YEATS2: variants seen among roughly 807,000 people sequenced by gnomAD.
YEATS2 encodes YEATS domain containing 2.
A neutral mutation model predicts 163.2 loss-of-function variants in YEATS2; 77 were observed. That is an observed-to-expected ratio of 0.47 (90% confidence interval 0.39 to 0.57). The LOEUF (loss-of-function observed/expected upper bound fraction) is 0.57. Among genes scored for constraint, YEATS2 ranks in the 20% least tolerant of loss-of-function variants. YEATS2 has a pLI of 0.00. For synonymous variants in YEATS2, 631 were observed against 645.1 expected, an observed-to-expected ratio of 0.98 and a Z score of 0.33; for missense variants, 1,549 against 1,729.8, an observed-to-expected ratio of 0.90 and a Z score of 1.85.
intron 9 of YEATS2, among the ~76,000 whole-genome samples, chr3:183,748,554 A>C (rs1309091219): frequency 6.6e-6 from 1 of 152,034 alleles, no homozygotes; most frequent in Non-Finnish European, 1.5e-5. Context: ...TACAGGCGTG[A>C]GCCACCACAC....
chr3:183,708,887 C>T (rs776209035), intron 1 of YEATS2, among the ~76,000 whole-genome samples: 7 of 151,662 alleles, frequency 4.6e-5, no homozygotes, highest in African/African-American at 1.7e-4. Flanking sequence ...TTTGGCCAGG[C>T]GCGGTGGCTC....
At chr3:183,704,882 G>A (rs944645185) in intron 1 of YEATS2, among the ~76,000 whole-genome samples, 6 of 152,112 alleles carry the variant, frequency 3.9e-5, no homozygotes, top group African/African-American at 1.4e-4. Context: ...ACCCACCTTG[G>A]ACTCCCAAAA....
intron 1 of YEATS2, among the ~76,000 whole-genome samples, chr3:183,698,546 AG>A (rs1301267339): frequency 6.6e-5 from 10 of 152,324 alleles, no homozygotes; most frequent in Admixed American, 2.6e-4. Flanking sequence ...GCTGGCTTGA[AG>A]GGCTGTGGCC....
chr3:183,698,747 T>A (rs1713757269), intron 1 of YEATS2, among the ~76,000 whole-genome samples: 1 of 152,156 alleles, frequency 6.6e-6, no homozygotes, highest in Non-Finnish European at 1.5e-5. Flanking sequence ...TTCCATTCCC[T>A]TTTCTCGCTC....
chr3:183,783,931 TTTTTG>T (rs778604648), intron 19 of YEATS2, among the ~76,000 whole-genome samples: 46 of 152,124 alleles, frequency 3.0e-4, no homozygotes, highest in Non-Finnish European at 5.6e-4. Flanking sequence ...CGTTTTAAGT[TTTTTG>T]TTTTGTTTTT....
At chr3:183,798,160 G>T (rs752762480) in intron 22 of YEATS2, 109 bp downstream of exon 22, 13 of 1,484,834 alleles carry the variant, frequency 8.8e-6, no homozygotes, top group Non-Finnish European at 1.2e-5. Context: ...CAGCTGTCAC[G>T]GTATTCCCAG....
At chr3:183,808,568 G>T (rs1370531711) in intron 29 of YEATS2, among the ~76,000 whole-genome samples, 6 of 152,170 alleles carry the variant, frequency 3.9e-5, no homozygotes, top group African/African-American at 1.4e-4. Flanking sequence ...TAAATACAAT[G>T]TCTAGGGCTG....
At position 183,810,638 on chromosome 3, in the gene YEATS2, T is replaced by C. The variant is rs1726717358; in HGVS notation, c.*55T>C. 2 of 1,524,472 alleles carry C rather than the reference T, an allele frequency of 1.3e-6. No homozygotes were observed. Among genetic ancestry groups the C allele is most frequent in the African/African-American group, 2.8e-5 (2 of 72,498 alleles). 94.4% of individuals were successfully genotyped at this position (1,524,472 alleles called of 1,614,324 possible). On this transcript the variant is annotated 3_prime_UTR_variant, in exon 31 of 31. Transcript: ENST00000305135. ...TTTGAAGGCACAGCGAAGCTGTAACTGAGGACCCTGCTGCTCGGGAAGGAG... is the reference window on the plus strand; with the variant it reads ...TTTGAAGGCACAGCGAAGCTGTAACCGAGGACCCTGCTGCTCGGGAAGGAG...
Position 183,812,152 on chromosome 3 carries a change from CTTG to C in YEATS2, c.*1570_*1572del, listed in dbSNP as rs1281545942. 1 of 152,356 alleles carries C rather than the reference CTTG, an allele frequency of 6.6e-6. No homozygotes were observed. Among genetic ancestry groups the C allele is most frequent in the Non-Finnish European group, 1.5e-5 (1 of 68,174 alleles). 9.4% of individuals were successfully genotyped at this position (152,356 alleles called of 1,614,324 possible). On this transcript the variant is annotated 3_prime_UTR_variant, in exon 31 of 31. Transcript: ENST00000305135. ...CGGGAGGCTGAGGCAGGAAGAATCA[CTTG>C]AACCCAGGAGGCGGAGGTTGCAGTG...
At chr3:183,766,812 C>T (rs1156496306) in intron 15 of YEATS2, among the ~76,000 whole-genome samples, 12 of 152,104 alleles carry the variant, frequency 7.9e-5, no homozygotes, top group Non-Finnish European at 1.8e-4. Context: ...GTGATACCAC[C>T]ACACCCAATT....
Position 183,772,511 on chromosome 3 carries a change from C to CGTT in YEATS2, c.2154_2155insGTT (p.Thr718_Lys719insVal). 6.2e-7 allele frequency: 1 copy of CGTT among 1,614,146 alleles called. No homozygotes were observed. Among genetic ancestry groups the CGTT allele is most frequent in the Non-Finnish European group, 8.5e-7 (1 of 1,180,024 alleles). On this transcript the variant is annotated inframe_insertion, in exon 16 of 31. Coordinates refer to ENST00000305135, the MANE Select transcript of YEATS2 (RefSeq NM_018023.5). ...TTGCTCAGCCAGTGCAGACCTTAAC[C>CGTT]AAGGCCCAGGTTACTGCCGCTGGTC...
Position 183,810,625 on chromosome 3 carries a change from G to GC in YEATS2, c.*43dup, listed in dbSNP as rs773958819. 6.3e-7 allele frequency: 1 copy of GC among 1,579,578 alleles called. No individual in the cohort carries two copies. ...TGGAGAAGCAGGCTTTGAAGGCACA[G>GC]CGAAGCTGTAACTGAGGACCCTGCT... is the stretch of plus-strand genomic sequence containing the variant. On this transcript the variant is annotated 3_prime_UTR_variant, in exon 31 of 31. Coordinates refer to ENST00000305135, the MANE Select transcript of YEATS2 (RefSeq NM_018023.5).
intron 13 of YEATS2, among the ~76,000 whole-genome samples, chr3:183,759,684 C>T (rs1418442189): frequency 3.3e-5 from 5 of 152,208 alleles, no homozygotes; most frequent in Non-Finnish European, 7.3e-5. Flanking sequence ...TCCAACTTAA[C>T]GATTTTTCGA....
At chr3:183,770,739 T>G (rs1271671841) in intron 15 of YEATS2, among the ~76,000 whole-genome samples, 2 of 152,226 alleles carry the variant, frequency 1.3e-5, no homozygotes, top group Non-Finnish European at 2.9e-5. Flanking sequence ...TTTTGAAGGT[T>G]TACGTAAAAG....
At chr3:183,801,344 T>C in intron 24 of YEATS2, 111 bp from the exon 25 acceptor site, 1 of 671,662 alleles carries the variant, frequency 1.5e-6, no homozygotes, top group African/African-American at 1.9e-5. Flanking sequence ...TGGTTTTAAT[T>C]ATAATTCCCT....
chr3:183,703,434 G>C (rs918655737), intron 1 of YEATS2, among the ~76,000 whole-genome samples: 3 of 152,136 alleles, frequency 2.0e-5, no homozygotes, highest in African/African-American at 7.2e-5. Context: ...CCCTTGGTCT[G>C]AGTCTGTCCT....
Position 183,776,053 on chromosome 3 carries a change from G to C in YEATS2, c.2507G>C (p.Ser836Thr). 3.1e-6 allele frequency: 5 copies of C among 1,613,310 alleles called. No individual in the cohort carries two copies. The highest frequency in any genetic ancestry group is 4.2e-6 in the Non-Finnish European group (5 of 1,179,674). Residue 836 changes from serine (S) to threonine (T), a missense_variant, in exon 18 of 31, where the codon AGT becomes ACT. By Grantham distance (58) the Ser-to-Thr change is moderately conservative. Coordinates refer to ENST00000305135, the MANE Select transcript of YEATS2 (RefSeq NM_018023.5). ...GGGTAGGGTQSTAGPGGISQH... is the reference protein window; with the variant it reads ...GGGTAGGGTQTTAGPGGISQH... ...GGAACAGCAGGAGGAGGAACTCAAA[G>C]TACTGCTGGCCCTGGAGGGATATCT...
chr3:183,800,369 C>T, intron 23 of YEATS2, 97 bp from the exon 24 acceptor site: 3 of 837,272 alleles, frequency 3.6e-6, no homozygotes, highest in South Asian at 3.3e-5. Flanking sequence ...TGGCAGTTTC[C>T]TTACTGAGCT....
At chr3:183,748,354 C>G (rs137864625) in intron 9 of YEATS2, among the ~76,000 whole-genome samples, 3,960 of 150,502 alleles carry the variant, frequency 0.026, 171 homozygotes, top group African/African-American at 0.093. Context: ...TGGGTTCAAG[C>G]GATTCTCCTG....
Sources: gnomAD v4.1 joint callset for allele counts (sites outside exome capture counted in the v4.1 genomes callset) on GRCh38, gnomAD v4.1.1 for gene constraint, MANE v1.5 for transcripts, NCBI Gene and HGNC (gene_info 2026-07-23, HGNC 2026-07-21) for gene names.